The following COL4A3 variants were observed in gnomAD, a reference collection of about 807,000 sequenced individuals.
COL4A3 encodes the protein collagen type IV alpha 3 chain.
In COL4A3, 135 loss-of-function variants were observed where a neutral mutation model predicts 217.4. That is an observed-to-expected ratio of 0.62 (90% CI 0.54 to 0.72). COL4A3 has a LOEUF of 0.72. Ranked by LOEUF, COL4A3 falls within the 30% of genes least tolerant of loss-of-function variation. The pLI, the probability that COL4A3 is intolerant of heterozygous loss-of-function variation, is 0.00. For synonymous variants in COL4A3, 690 were observed against 736.3 expected (o/e 0.94, Z 1.02); for missense variants, 1,868 against 2,119.9 (o/e 0.88, Z 2.33).
intron 6 of COL4A3, chr2:227,246,217 C>A: frequency 1.6e-6 from 1 of 612,518 alleles, no homozygotes. Flanking sequence ...AAGGAAAGTT[C>A]TCCCACAGAA....
intron 1 of COL4A3, among the ~76,000 whole-genome samples, chr2:227,210,080 C>T (rs185162046): frequency 5.1e-4 from 77 of 152,236 alleles, no homozygotes; most frequent in African/African-American, 1.8e-3. Flanking sequence ...TAATACAGTG[C>T]CAGGCATGTA....
intron 47 of COL4A3, 144 bp downstream of exon 47, chr2:227,305,227 C>A: frequency 1.4e-6 from 1 of 738,748 alleles, no homozygotes; most frequent in Admixed American, 2.2e-5. Flanking sequence ...ATCAAATGTT[C>A]ATTTGGAAGA....
intron 40 of COL4A3, 43 bp downstream of exon 40, chr2:227,295,105 G>T (rs772327220): frequency 1.3e-6 from 2 of 1,579,254 alleles, no homozygotes; most frequent in Non-Finnish European, 1.7e-6. Context: ...TTTTATTTTG[G>T]ATAGAATCAT....
chr2:227,277,798 G>T (rs528309042), intron 28 of COL4A3, among the ~76,000 whole-genome samples: 6 of 152,120 alleles, frequency 3.9e-5, no homozygotes, highest in Admixed American at 3.9e-4. Flanking sequence ...TCAGGAGTTC[G>T]ATACCAGCCT....
At chr2:227,193,466 C>A (rs1392345552) in intron 1 of COL4A3, among the ~76,000 whole-genome samples, 2 of 152,168 alleles carry the variant, frequency 1.3e-5, no homozygotes, top group African/African-American at 2.4e-5. Flanking sequence ...GTAATCCTAG[C>A]ACTTGGGGAG....
intron 3 of COL4A3, among the ~76,000 whole-genome samples, chr2:227,242,560 G>A (rs1312351413): frequency 6.6e-6 from 1 of 152,122 alleles, no homozygotes; most frequent in Non-Finnish European, 1.5e-5. Flanking sequence ...TCAAGACTTG[G>A]TCTTTCTGAT....
intron 22 of COL4A3, 110 bp downstream of exon 22, chr2:227,266,619 A>AC: frequency 1.2e-6 from 1 of 830,382 alleles, no homozygotes; most frequent in Non-Finnish European, 2.0e-6. Context: ...CCAGTCAGTG[A>AC]TGACTTATTT....
chr2:227,180,512 C>T (rs1009066906), intron 1 of COL4A3, among the ~76,000 whole-genome samples: 3 of 152,176 alleles, frequency 2.0e-5, no homozygotes, highest in Non-Finnish European at 2.9e-5. Context: ...GGCAGTCATG[C>T]AGGCAAGGAC....
At position 227,272,987 on chromosome 2, in the gene COL4A3, G is replaced by A. The variant is rs938552760; in HGVS notation, c.1797G>A (p.Gly599=). ...AGAAAGGGGACCAAGGTCCTCCAGG[G>A]GATCCTGGCTCCCCTGGGTCCCCAG... is the stretch of plus-strand genomic sequence containing the variant. ...SGEKGDQGPP[G]DPGSPGSPGP... Residue 599 remains glycine (G), a synonymous_variant, in exon 26 of 52, where the codon GGG becomes GGA. Coordinates refer to ENST00000396578, the MANE Select transcript of COL4A3 (RefSeq NM_000091.5). The A allele has an allele frequency of 6.2e-7, 1 of 1,614,092 alleles. No homozygotes were observed. Among genetic ancestry groups the A allele is most frequent in the Non-Finnish European group, 8.5e-7 (1 of 1,180,006 alleles).
rs201909310 is a variant in COL4A3 at position 227,259,812 on chromosome 2, A to G, written c.1049A>G (p.Tyr350Cys). 1 of 1,612,952 alleles carries G rather than the reference A, an allele frequency of 6.2e-7. No homozygotes were observed. The highest frequency in any genetic ancestry group is 8.5e-7 in the Non-Finnish European group (1 of 1,178,914). ...TCTAAGACAGAATATTATGACACAT[A>G]CCAGGAAAAGGGAGATGAAGGCACT... ...FRGPTEYYDT[Y>C]QEKGDEGTPG... The change falls in exon 19 of 52, where the codon TAC becomes TGC. Residue 350 changes from tyrosine to cysteine, a missense_variant. Tyr to Cys is a radical substitution (Grantham distance 194). This residue lies in a region of COL4A3 where 1,503 missense variants were observed against 1,786.1 expected (regional missense o/e 0.84). Transcript: ENST00000396578.
At chr2:227,297,523 C>T (rs957264404) in intron 41 of COL4A3, 151 bp from the exon 42 acceptor site, 1 of 708,612 alleles carries the variant, frequency 1.4e-6, no homozygotes. Context: ...ATTGCATTTA[C>T]CAGCAATATA....
Position 227,297,726 on chromosome 2 carries a change from AG to A in COL4A3, c.3622del (p.Ala1208ProfsTer13). ...PGFPGLPGRK[G>X]AMGDAGPRGP... ...GTTTTCCTGGCCTCCCGGGCAGAAA[AG>A]GGGCCATGGGAGATGCTGGACCTCG... On this transcript the variant is annotated frameshift_variant, in exon 42 of 52. Coordinates refer to ENST00000396578, the MANE Select transcript of COL4A3 (RefSeq NM_000091.5). LOFTEE classifies it high-confidence loss of function. 1 of 1,608,102 alleles carries A rather than the reference AG, an allele frequency of 6.2e-7. No individual in the cohort carries two copies. The highest frequency in any genetic ancestry group is 8.5e-7 in the Non-Finnish European group (1 of 1,177,832).
At chr2:227,182,472 T>C (rs563211974) in intron 1 of COL4A3, among the ~76,000 whole-genome samples, 5 of 152,332 alleles carry the variant, frequency 3.3e-5, no homozygotes, top group African/African-American at 1.2e-4. Context: ...CTCCTGATTC[T>C]CTCATTCATT....
intron 7 of COL4A3, 55 bp downstream of exon 7, chr2:227,246,793 T>C: frequency 6.9e-7 from 1 of 1,445,358 alleles, no homozygotes; most frequent in South Asian, 1.1e-5. Context: ...ATAACAGTGG[T>C]CTACTCCATA....
chr2:227,215,376 A>G (rs2067487429), intron 1 of COL4A3, among the ~76,000 whole-genome samples: 1 of 152,208 alleles, frequency 6.6e-6, no homozygotes, highest in African/African-American at 2.4e-5. Context: ...TGATGTTTTT[A>G]TGAGTTGCTG....
chr2:227,181,581 G>A (rs1214415369), intron 1 of COL4A3, among the ~76,000 whole-genome samples: 1 of 152,098 alleles, frequency 6.6e-6, no homozygotes, highest in South Asian at 2.1e-4. Flanking sequence ...CCTCATATTA[G>A]AACCTGGGGA....
chr2:227,167,433 C>G (rs183761280), intron 1 of COL4A3, among the ~76,000 whole-genome samples: 38 of 152,356 alleles, frequency 2.5e-4, no homozygotes, highest in Admixed American at 1.0e-3. Context: ...CAGGGCCCAG[C>G]TCACCCACTT....
intron 1 of COL4A3, among the ~76,000 whole-genome samples, chr2:227,218,020 T>C (rs1296988771): frequency 1.3e-5 from 2 of 149,706 alleles, no homozygotes; most frequent in Non-Finnish European, 3.0e-5. Context: ...TATAACTATA[T>C]ATAGTCACAT....
chr2:227,186,580 C>T (rs2066041338), intron 1 of COL4A3, among the ~76,000 whole-genome samples: 1 of 152,150 alleles, frequency 6.6e-6, no homozygotes, highest in South Asian at 2.1e-4. Flanking sequence ...TTCCCTTAGG[C>T]CAACCTTGGA....
Sources: gnomAD v4.1 joint callset for allele counts (sites outside exome capture counted in the v4.1 genomes callset) on GRCh38, gnomAD v4.1.1 for gene constraint, gnomAD v4.1.1 regional missense constraint, MANE v1.5 for transcripts, NCBI Gene and HGNC (gene_info 2026-07-23, HGNC 2026-07-21) for gene names.